NUP210L: variants seen among roughly 807,000 people sequenced by gnomAD.
NUP210L encodes the protein nucleoporin 210 like, also known as nuclear pore membrane glycoprotein 210-like.
A neutral mutation model predicts 208.5 loss-of-function variants in NUP210L; 74 were observed. That is an observed-to-expected ratio of 0.35 (90% CI 0.29 to 0.43). NUP210L has a LOEUF of 0.43. Among genes scored for constraint, NUP210L ranks in the 20% least tolerant of loss-of-function variants. NUP210L has a pLI of 1.00. For missense variants in NUP210L, 1,843 were observed against 2,289.4 expected (o/e 0.81, Z 3.98); for synonymous variants, 780 against 816.9 (o/e 0.95, Z 0.77).
At chr1:154,061,087 C>A in intron 18 of NUP210L, 41 bp from the exon 19 acceptor site, 1 of 1,450,074 alleles carries the variant, frequency 6.9e-7, no homozygotes, top group Non-Finnish European at 9.7e-7. Context: ...ATATAAACAT[C>A]TAATTCTTGG....
chr1:154,091,445 G>C (rs892913157), intron 15 of NUP210L, among the ~76,000 whole-genome samples: 1 of 150,626 alleles, frequency 6.6e-6, no homozygotes, highest in African/African-American at 2.4e-5. Flanking sequence ...AGCAACCCAA[G>C]TGTCCATCAA....
intron 10 of NUP210L, among the ~76,000 whole-genome samples, chr1:154,125,617 C>G (rs1434855577): frequency 1.3e-5 from 1 of 75,754 alleles, no homozygotes; most frequent in Non-Finnish European, 2.6e-5. Context: ...ATGAGGCCCT[C>G]TCTGAAAGGA....
At chr1:154,029,717 A>G (rs947616787) in intron 28 of NUP210L, among the ~76,000 whole-genome samples, 179 bp downstream of exon 28, 2 of 152,136 alleles carry the variant, frequency 1.3e-5, no homozygotes, top group Non-Finnish European at 2.9e-5. Context: ...AAAACAAAAA[A>G]CAAAACTATA....
At chr1:154,081,625 C>T (rs980319151) in intron 16 of NUP210L, among the ~76,000 whole-genome samples, 1 of 152,192 alleles carries the variant, frequency 6.6e-6, no homozygotes, top group African/African-American at 2.4e-5. Context: ...AGTTTAATCA[C>T]GTGGCCAATT....
At chr1:154,107,347 G>A (rs946862137) in intron 12 of NUP210L, among the ~76,000 whole-genome samples, 12 of 151,918 alleles carry the variant, frequency 7.9e-5, no homozygotes, top group Admixed American at 1.3e-4. Context: ...GTTGGCGGGC[G>A]CCTGTAGTCC....
In NUP210L at chr1:154,023,245, G is replaced by C. The variant is rs778230075; in HGVS notation, c.4175C>G (p.Ala1392Gly). ...AAATGCTGACAGGGTCCTTCCTTGG[G>C]CTGTGTATAGCTTGGGTTGGCTGCT... is the stretch of plus-strand genomic sequence containing the variant. Residue 1392 changes from alanine to glycine, a missense_variant, in exon 31 of 40, where the codon GCC becomes GGC. Physicochemically the swap from Ala to Gly is moderately conservative, Grantham distance 60. This residue lies in a region of NUP210L where 781 missense variants were observed against 973.8 expected (regional missense o/e 0.80). Transcript: ENST00000368559. The C allele has an allele frequency of 5.0e-6, 8 of 1,613,586 alleles. No individual in the cohort carries two copies. In the Admixed American group the frequency reaches 1.3e-4, roughly 27 times the overall value.
exon 38 of NUP210L, chr1:153,995,100 C>T (rs748366351): frequency 2.5e-6 from 4 of 1,612,780 alleles, no homozygotes; most frequent in Non-Finnish European, 3.4e-6. Flanking sequence ...GCTGTTGATG[C>T]CAGCACTGCA....
At chr1:153,994,052 A>G (rs1016190127) in intron 38 of NUP210L, among the ~76,000 whole-genome samples, 3 of 150,198 alleles carry the variant, frequency 2.0e-5, no homozygotes, top group African/African-American at 7.3e-5. Flanking sequence ...CTAATTTTAA[A>G]GTTTTTTTGT....
intron 5 of NUP210L, 67 bp downstream of exon 5, chr1:154,139,735 G>C: frequency 8.1e-7 from 1 of 1,241,422 alleles, no homozygotes. Context: ...GTAGTACCTG[G>C]GCAACAGAGT....
At chr1:154,047,457 T>C (rs7547009) in intron 25 of NUP210L, among the ~76,000 whole-genome samples, 26,469 of 152,154 alleles carry the variant, frequency 0.17, 2,816 homozygotes, top group South Asian at 0.25. Context: ...GTTATGGCCA[T>C]GATGCCCACG....
chr1:154,078,444 A>G (rs1417606471), intron 16 of NUP210L, among the ~76,000 whole-genome samples: 1 of 151,968 alleles, frequency 6.6e-6, no homozygotes, highest in Non-Finnish European at 1.5e-5. Context: ...AAAATACAAA[A>G]ATTAGCTGGA....
At chr1:154,131,568 T>TA (rs565674721) in intron 7 of NUP210L, among the ~76,000 whole-genome samples, 116 of 146,478 alleles carry the variant, frequency 7.9e-4, no homozygotes, top group Middle Eastern at 3.5e-3. Flanking sequence ...TTTCCAATCT[T>TA]AAAAAAAAAA....
chr1:154,052,712 G>A (rs1653585515), intron 25 of NUP210L, among the ~76,000 whole-genome samples: 1 of 152,162 alleles, frequency 6.6e-6, no homozygotes, highest in African/African-American at 2.4e-5. Context: ...TCTAATTGAG[G>A]CATATTGCCC....
chr1:154,000,766 G>C (rs1430949747), intron 37 of NUP210L, 90 bp downstream of exon 37: 3 of 1,149,796 alleles, frequency 2.6e-6, no homozygotes, highest in Non-Finnish European at 3.8e-6. Context: ...GTGAAATGCG[G>C]AAAGCAAAAC....
At chr1:154,056,750 AC>A in intron 23 of NUP210L, 64 bp downstream of exon 23, 1 of 1,478,934 alleles carries the variant, frequency 6.8e-7, no homozygotes, top group Non-Finnish European at 9.1e-7. Context: ...GTATAAACTA[AC>A]AGAAAAAGAC....
chr1:154,064,801 G>T (rs186974209), intron 17 of NUP210L, among the ~76,000 whole-genome samples: 34 of 152,254 alleles, frequency 2.2e-4, no homozygotes, highest in Non-Finnish European at 4.6e-4. Context: ...GGCACTGGGC[G>T]TGGTGGCTCA....
intron 30 of NUP210L, among the ~76,000 whole-genome samples, chr1:154,024,920 C>A (rs1651772610): frequency 9.0e-6 from 1 of 111,172 alleles, no homozygotes; most frequent in Non-Finnish European, 1.8e-5. Context: ...TTAGGCTGAT[C>A]TGTTTTTTTT....
At chr1:154,101,784 A>T (rs1447931922) in intron 13 of NUP210L, among the ~76,000 whole-genome samples, 3 of 152,194 alleles carry the variant, frequency 2.0e-5, no homozygotes, top group Non-Finnish European at 4.4e-5. Context: ...TTAGGCTGAG[A>T]AAACAGAATG....
intron 25 of NUP210L, among the ~76,000 whole-genome samples, chr1:154,050,423 C>A (rs1653422794): frequency 6.6e-6 from 1 of 152,128 alleles, no homozygotes; most frequent in Non-Finnish European, 1.5e-5. Flanking sequence ...TAGAATAGAT[C>A]CAGAGAAGAC....
Sources: allele counts gnomAD v4.1 joint callset (sites outside exome capture counted in the v4.1 genomes callset), GRCh38; gene constraint gnomAD v4.1.1; regional missense constraint gnomAD v4.1.1; transcripts MANE v1.5; gene names NCBI Gene and HGNC (gene_info 2026-07-23, HGNC 2026-07-21).